PNMA5: variants seen among roughly 807,000 people sequenced by gnomAD.
PNMA5 encodes the protein PNMA family member 5.
For missense variants in PNMA5, 334 were observed against 356.6 expected (o/e 0.94, Z 0.51); for synonymous variants, 138 against 137.9 (o/e 1.00, Z 0.00).
chrX:152,991,343 C>T lies in PNMA5; in HGVS notation c.256G>A (p.Gly86Ser). The T allele has an allele frequency of 1.7e-6, 2 of 1,208,861 alleles. No individual in the cohort carries two copies. The highest frequency in any genetic ancestry group is 2.2e-6 in the Non-Finnish European group (2 of 894,198). ...TTTACCACCACTTCCCAGGAGCCAC[C>T]CTTTCCTGGTATGTGACTGGGCAGA... ...TTLPSHIPGKGGSWEVVVKPR... is the reference protein window; with the variant it reads ...TTLPSHIPGKSGSWEVVVKPR... The change falls in exon 4 of 4, where the codon GGT becomes AGT. Residue 86 changes from glycine (G) to serine (S), a missense_variant. Gly to Ser is a moderately conservative substitution (Grantham distance 56, BLOSUM62 0). Coordinates refer to ENST00000535214, the MANE Select transcript of PNMA5 (RefSeq NM_001184924.2).
At chrX:152,993,197 GC>G (rs1466914657) in intron 1 of PNMA5, among the ~76,000 whole-genome samples, 3 of 106,291 alleles carry the variant, frequency 2.8e-5, no homozygotes, top group Non-Finnish European at 5.8e-5. Flanking sequence ...CCCAAGCTTA[GC>G]CCCCCACCAA....
At chrX:152,993,159 T>C (rs1174856897) in intron 1 of PNMA5, among the ~76,000 whole-genome samples, 2 of 107,203 alleles carry the variant, frequency 1.9e-5, no homozygotes, top group Non-Finnish European at 3.8e-5. Context: ...GCTGCCAAAC[T>C]CTGCCTATAA....
rs1556924116 is a variant in PNMA5, at chrX:152,990,279, C to T, written c.1320G>A (p.Met440Ile). 1 of 1,117,646 alleles carries T rather than the reference C, an allele frequency of 8.9e-7. No homozygotes were observed. Among genetic ancestry groups the T allele is most frequent in the Non-Finnish European group, 1.2e-6 (1 of 853,111 alleles). 92.1% of individuals were successfully genotyped at this position (1,117,646 alleles called of 1,213,427 possible). Residue 440 changes from methionine (M) to isoleucine (I), a missense_variant, in exon 4 of 4, where the codon ATG becomes ATA. Coordinates refer to ENST00000535214, the MANE Select transcript of PNMA5 (RefSeq NM_001184924.2). Reference protein sequence around the residue: ...ELGNEAGAGAMSHPKPWET With the variant: ...ELGNEAGAGAISHPKPWET ...ATGTTTCCCAGGGCTTGGGATGGCT[C>T]ATGGCCCCAGCCCCTGCCTCGTTTC...
rs371679002 is a variant in PNMA5 at position 152,990,341 on chromosome X, C to T, written c.1258G>A (p.Gly420Ser). The change falls in exon 4 of 4, where the codon GGC (glycine) becomes AGC (serine). Residue 420 changes from glycine (G) to serine (S), a missense_variant. Gly to Ser is a moderately conservative substitution (Grantham distance 56). Transcript: ENST00000535214. ...TYPKAENQTPGREGPQAAGEE... is the reference protein window; with the variant it reads ...TYPKAENQTPSREGPQAAGEE... Reference sequence around the variant, plus strand: ...CCTGCAGCCTGTGGCCCCTCCCTGCCTGGAGTCTGGTTTTCAGCCTTGGGA... The same window carrying T: ...CCTGCAGCCTGTGGCCCCTCCCTGCTTGGAGTCTGGTTTTCAGCCTTGGGA... 2.6e-6 allele frequency: 3 copies of T among 1,163,411 alleles called. No individual in the cohort carries two copies. Among genetic ancestry groups the T allele is most frequent in the Non-Finnish European group, 3.4e-6 (3 of 876,799 alleles).
Position 152,990,013 on chromosome X carries a change from C to T in PNMA5, c.*239G>A. The T allele has an allele frequency of 4.7e-6, 2 of 421,082 alleles. No homozygotes were observed. The highest frequency in any genetic ancestry group is 7.1e-6 in the Non-Finnish European group (2 of 281,743). 34.7% of individuals were successfully genotyped at this position (421,082 alleles called of 1,213,427 possible). A position where few individuals can be genotyped will look rare whatever the true frequency, so the allele number is the denominator to read the frequency against. On this transcript the variant is annotated 3_prime_UTR_variant, in exon 4 of 4. Coordinates refer to ENST00000535214, the MANE Select transcript of PNMA5 (RefSeq NM_001184924.2). ...CCCATGTGCTAAGTGTAGTGGTTCC[C>T]CGCTTGTGTCTCCTGTACCTGTTAG...
chrX:152,993,561 T>C (rs1041602480), intron 1 of PNMA5, among the ~76,000 whole-genome samples: 1 of 111,767 alleles, frequency 8.9e-6, no homozygotes. Context: ...TTTGTTTTTC[T>C]CTGAAACGGA....
chrX:152,990,936 G>A lies in PNMA5; in HGVS notation c.663C>T (p.Ser221=). 8.3e-7 allele frequency: 1 copy of A among 1,197,979 alleles called. No individual in the cohort carries two copies. The highest frequency in any genetic ancestry group is 1.1e-6 in the Non-Finnish European group (1 of 889,835). Residue 221 remains serine (S), a synonymous_variant, in exon 4 of 4, where the codon TCC becomes TCT. Transcript: ENST00000535214. ...IMRVLQANND[S]ITVEQCLDAL... is the part of the protein sequence containing the mutation. ...CGTCAAGGCACTGCTCCACAGTTAT[G>A]GAGTCATTGTTGGCCTGGAGCACCC...
At chrX:152,993,603 T>C (rs2050925940) in intron 1 of PNMA5, among the ~76,000 whole-genome samples, 1 of 112,393 alleles carries the variant, frequency 8.9e-6, no homozygotes, top group African/African-American at 3.2e-5. Context: ...TGGAGTGCAG[T>C]AGCGTATCTC....
Position 152,991,409 on chromosome X carries a change from C to A in PNMA5, c.190G>T (p.Ala64Ser). 8.4e-7 allele frequency: 1 copy of A among 1,196,608 alleles called. No homozygotes were observed. Among genetic ancestry groups the A allele is most frequent in the East Asian group, 3.0e-5 (1 of 33,692 alleles). Residue 64 changes from alanine (A) to serine (S), a missense_variant, in exon 4 of 4, where the codon GCA (alanine) becomes TCA (serine). Ala to Ser is a moderately conservative substitution (Grantham distance 99). Coordinates refer to ENST00000535214, the MANE Select transcript of PNMA5 (RefSeq NM_001184924.2). ...GTGTCAGCCAGTTCAATGAAGACTG[C>A]CTTGGCATTGTCTTCCCTCCTGAAC... The part of the protein sequence containing the change: ...RMFRREDNAK[A>S]VFIELADTVN...
Position 152,992,641 on chromosome X carries a change from A to G in PNMA5, c.-200+16T>C, listed in dbSNP as rs1432493311. 9.0e-6 allele frequency: 1 copy of G among 111,526 alleles called. No individual in the cohort carries two copies. The highest frequency in any genetic ancestry group is 2.9e-4 in the East Asian group (1 of 3,506). 9.2% of individuals were successfully genotyped at this position (111,526 alleles called of 1,213,427 possible). A position where few individuals can be genotyped will look rare whatever the true frequency, so the allele number is the denominator to read the frequency against. On this transcript the variant is annotated intron_variant, in intron 2 of 3. Coordinates refer to ENST00000535214, the MANE Select transcript of PNMA5 (RefSeq NM_001184924.2). ...CCAGAGCCCCTCCCAACAGGGCCCA[A>G]CTCACAGCTGCTCACCTTGCTGGGT... is the stretch of plus-strand genomic sequence containing the variant.
rs782533954 is a variant in PNMA5 at position 152,991,087 on chromosome X, C to A, written c.512G>T (p.Gly171Val). The A allele has an allele frequency of 8.3e-7, 1 of 1,201,797 alleles. No homozygotes were observed. ...TAGCCAGTCTTCAAAGGTCTCTTCG[C>A]CTGGGCTAGGGGAAGCAGTTCCCGA... Reference protein sequence around the residue: ...VFSGTASPSPGEETFEDWLEQ... With the variant: ...VFSGTASPSPVEETFEDWLEQ... The change falls in exon 4 of 4, where the codon GGC (glycine) becomes GTC (valine). Residue 171 changes from glycine (G) to valine (V), a missense_variant. Physicochemically the swap from Gly to Val is moderately radical, Grantham distance 109. Transcript: ENST00000535214.
intron 1 of PNMA5, among the ~76,000 whole-genome samples, chrX:152,993,364 C>T (rs2050923593): frequency 9.1e-6 from 1 of 109,627 alleles, no homozygotes; most frequent in Admixed American, 9.8e-5. Context: ...CCTCCATTCC[C>T]CTGCTCCCCC....
At position 152,991,510 on chromosome X, in the gene PNMA5, C is replaced by T. The variant is rs781813438; in HGVS notation, c.89G>A (p.Cys30Tyr). 8.3e-7 allele frequency: 1 copy of T among 1,202,989 alleles called. No homozygotes were observed. Among genetic ancestry groups the T allele is most frequent in the African/African-American group, 1.8e-5 (1 of 56,960 alleles). ...ALLIVGIPME[C>Y]SEVEIQDTVK... ...AGTGTCCTGAATTTCCACCTCACTA[C>T]ACTCCATGGGGATGCCTACAATCAG... The change falls in exon 4 of 4, where the codon TGT becomes TAT. Residue 30 changes from cysteine to tyrosine, a missense_variant. Physicochemically the swap from Cys to Tyr is radical, Grantham distance 194 (BLOSUM62 -2). Transcript: ENST00000535214.
Position 152,990,711 on chromosome X carries a change from G to A in PNMA5, c.888C>T (p.Val296=), listed in dbSNP as rs970879116. Residue 296 remains valine (V), a synonymous_variant, in exon 4 of 4, where the codon GTC becomes GTT. Coordinates refer to ENST00000535214, the MANE Select transcript of PNMA5 (RefSeq NM_001184924.2). ...MIRLKHLLAR[V]AMTPALRGKL... The stretch of plus-strand genomic sequence containing the variant: ...TGCCCCTGAGGGCGGGGGTCATGGC[G>A]ACCCGAGCTAAGAGATGTTTCAGAC... The A allele has an allele frequency of 2.8e-5, 34 of 1,196,870 alleles. No homozygotes were observed. Among genetic ancestry groups the A allele is most frequent in the African/African-American group, 5.3e-5 (3 of 56,805 alleles).
chrX:152,990,368 A>T lies in PNMA5; in HGVS notation c.1231T>A (p.Tyr411Asn), dbSNP rs1205209938. The T allele has an allele frequency of 8.5e-7, 1 of 1,172,662 alleles. No homozygotes were observed. Residue 411 changes from tyrosine to asparagine, a missense_variant, in exon 4 of 4, where the codon TAT becomes AAT. Coordinates refer to ENST00000535214, the MANE Select transcript of PNMA5 (RefSeq NM_001184924.2). ...GGAGTCTGGTTTTCAGCCTTGGGATACGTGGCCTGGCCATGGTCTTCTCCC... is the reference window on the plus strand; with the variant it reads ...GGAGTCTGGTTTTCAGCCTTGGGATTCGTGGCCTGGCCATGGTCTTCTCCC... ...TRGEDHGQAT[Y>N]PKAENQTPGR...
Position 152,991,740 on chromosome X carries a change from G to A in PNMA5, c.-123-19C>T, listed in dbSNP as rs1193269102. The A allele has an allele frequency of 3.3e-6, 3 of 898,964 alleles. No homozygotes were observed. Among genetic ancestry groups the A allele is most frequent in the East Asian group, 3.5e-5 (1 of 28,908 alleles). The allele number at this position is 898,964 out of a possible 1,213,427, so 74.1% of individuals were successfully genotyped here. On this transcript the variant is annotated intron_variant, in intron 3 of 3. Coordinates refer to ENST00000535214, the MANE Select transcript of PNMA5 (RefSeq NM_001184924.2). ...ACACAGCCTGCAAAGCAAATGGGAT[G>A]AGAGCATTGTTAATGCCCACCCCAA...
intron 1 of PNMA5, 128 bp downstream of exon 1, chrX:152,993,905 T>C (rs964553173): frequency 1.6e-4 from 18 of 112,838 alleles, no homozygotes; most frequent in African/African-American, 5.1e-4. Flanking sequence ...GGGTGTGATC[T>C]AGTGGGATCC....
In PNMA5 at chrX:152,991,264, T is replaced by C; in HGVS notation, c.335A>G (p.Asp112Gly). 4 of 1,204,649 alleles carry C rather than the reference T, an allele frequency of 3.3e-6. No individual in the cohort carries two copies. Among genetic ancestry groups the C allele is most frequent in the Middle Eastern group, 2.3e-4 (1 of 4,316 alleles). Residue 112 changes from aspartate to glycine, a missense_variant, in exon 4 of 4, where the codon GAT (aspartate) becomes GGT (glycine). Asp to Gly is a moderately conservative substitution (Grantham distance 94). Transcript: ENST00000535214. ...FLSRLNYFLK[D>G]EGRSMTDVAR... ...CACATCTGTCATACTTCGGCCCTCA[T>C]CTTTCAGGAAGTAGTTCAGTCTACT...
At position 152,991,484 on chromosome X, in the gene PNMA5, C is replaced by T; in HGVS notation, c.115G>A (p.Val39Met). The T allele has an allele frequency of 1.7e-6, 2 of 1,208,147 alleles. No homozygotes were observed. The highest frequency in any genetic ancestry group is 2.2e-6 in the Non-Finnish European group (2 of 893,882). ...ECSEVEIQDT[V>M]KAGLQPLCAY... Reference sequence around the variant, plus strand: ...CACAGGGGCTGTAAGCCTGCCTTCACAGTGTCCTGAATTTCCACCTCACTA... The same window carrying T: ...CACAGGGGCTGTAAGCCTGCCTTCATAGTGTCCTGAATTTCCACCTCACTA... Residue 39 changes from valine (V) to methionine (M), a missense_variant, in exon 4 of 4, where the codon GTG (valine) becomes ATG (methionine). Coordinates refer to ENST00000535214, the MANE Select transcript of PNMA5 (RefSeq NM_001184924.2).
Sources: gnomAD v4.1 joint callset for allele counts (sites outside exome capture counted in the v4.1 genomes callset) on GRCh38, gnomAD v4.1.1 for gene constraint, MANE v1.5 for transcripts, NCBI Gene and HGNC (gene_info 2026-07-23, HGNC 2026-07-21) for gene names.